Variants in PTPRN2 observed in about 807,000 individuals in gnomAD.
The protein encoded by PTPRN2 is protein tyrosine phosphatase receptor type N2.
In PTPRN2, 74 loss-of-function variants were observed where a neutral mutation model predicts 118.8. The ratio of observed to expected loss-of-function variants is 0.62; its 90% CI spans 0.52 to 0.76. The LOEUF is 0.76. Among genes scored for constraint, PTPRN2 ranks in the 30% least tolerant of loss-of-function variants. PTPRN2 has a pLI of 0.00. For synonymous variants in PTPRN2, 641 were observed against 608.0 expected (o/e 1.05, Z -0.80); for missense variants, 1,481 against 1,394.4 (o/e 1.06, Z -0.99).
intron 2 of PTPRN2, among the ~76,000 whole-genome samples, chr7:158,434,677 A>C (rs11976768): frequency 2.0e-5 from 3 of 152,136 alleles, no homozygotes; most frequent in Non-Finnish European, 4.4e-5. Flanking sequence ...TATATCGACT[A>C]TCTTACCTTG....
At chr7:158,394,088 T>C (rs2151383504) in intron 2 of PTPRN2, among the ~76,000 whole-genome samples, 1 of 134,408 alleles carries the variant, frequency 7.4e-6, no homozygotes, top group South Asian at 2.5e-4. Flanking sequence ...CACAGATGCC[T>C]GGACCCTTCT....
At chr7:157,830,274 C>T (rs1303604000) in intron 12 of PTPRN2, among the ~76,000 whole-genome samples, 1 of 152,242 alleles carries the variant, frequency 6.6e-6, no homozygotes, top group African/African-American at 2.4e-5. Flanking sequence ...CTTCCCTACT[C>T]AGCCCTTAAA....
rs555072462 is a variant in PTPRN2, at chr7:157,998,776, T to G, written c.1723+82522A>C. Among the ~76,000 whole-genome samples the G allele has an allele frequency of 6.4e-4, 93 of 145,764 alleles. 4 individuals carry two copies. The South Asian group carries it at 0.019, about 30-fold the overall frequency. ...GGTGGAGCTTGCAGTGAGCAGAGAT[T>G]GCACCACTGCACTCTAGCCTGGGTG... On this transcript the variant is annotated intron_variant, in intron 11 of 22. Coordinates refer to ENST00000389418, the MANE Select transcript of PTPRN2 (RefSeq NM_002847.5).
At chr7:157,786,646 G>A (rs1316112733) in intron 12 of PTPRN2, among the ~76,000 whole-genome samples, 1 of 152,240 alleles carries the variant, frequency 6.6e-6, no homozygotes, top group Admixed American at 6.5e-5. Flanking sequence ...ACGGTGAGGC[G>A]CTGCCGGTGA....
intron 2 of PTPRN2, among the ~76,000 whole-genome samples, chr7:158,459,885 C>T (rs1392779855): frequency 9.9e-6 from 1 of 101,420 alleles, no homozygotes; most frequent in Non-Finnish European, 2.2e-5. Flanking sequence ...GTCTGTGTGC[C>T]GAGAGCACAG....
chr7:158,566,464 T>C (rs1015295640), intron 1 of PTPRN2, among the ~76,000 whole-genome samples: 5 of 152,060 alleles, frequency 3.3e-5, no homozygotes, highest in Non-Finnish European at 1.5e-5. Flanking sequence ...ACAGGCCCCA[T>C]AGCGGGCACT....
At chr7:157,547,437 C>A (rs138756712) in intron 22 of PTPRN2, among the ~76,000 whole-genome samples, 1 of 152,278 alleles carries the variant, frequency 6.6e-6, no homozygotes, top group African/African-American at 2.4e-5. Flanking sequence ...ACCTGGAACT[C>A]CTTGGTACAG....
intron 11 of PTPRN2, among the ~76,000 whole-genome samples, chr7:158,009,216 G>A (rs1237962205): frequency 2.0e-5 from 3 of 152,054 alleles, no homozygotes; most frequent in Non-Finnish European, 2.9e-5. Context: ...TCTCCAGGTC[G>A]GACTTGAAAA....
chr7:158,319,687 T>C (rs370556865), intron 2 of PTPRN2, among the ~76,000 whole-genome samples: 66 of 2,690 alleles, frequency 0.025, 23 homozygotes, highest in African/African-American at 0.22. Flanking sequence ...ACACAGCCTC[T>C]CTCACACAGC....
At chr7:158,030,439 C>T (rs1022085602) in intron 11 of PTPRN2, 7 of 151,418 alleles carry the variant, frequency 4.6e-5, no homozygotes, top group Non-Finnish European at 7.4e-5. Flanking sequence ...CAGGAAAGCA[C>T]GTCTGAGTCT....
At chr7:157,616,384 G>C (rs891543657) in intron 15 of PTPRN2, 1 of 152,194 alleles carries the variant, frequency 6.6e-6, no homozygotes, top group African/African-American at 2.4e-5. Flanking sequence ...GATGCTTTTA[G>C]ACAATCTTTC....
At chr7:158,131,391 C>A (rs1298493466) in intron 9 of PTPRN2, among the ~76,000 whole-genome samples, 1 of 146,374 alleles carries the variant, frequency 6.8e-6, no homozygotes. Flanking sequence ...CTCATACACA[C>A]ACGTATATAC....
intron 21 of PTPRN2, among the ~76,000 whole-genome samples, chr7:157,562,419 C>T (rs1799237457): frequency 6.6e-6 from 1 of 152,226 alleles, no homozygotes; most frequent in South Asian, 2.1e-4. Context: ...GAAGGAGTGA[C>T]TTCCAGCTTC....
At chr7:158,044,734 G>T (rs951923550) in intron 11 of PTPRN2, among the ~76,000 whole-genome samples, 5 of 152,158 alleles carry the variant, frequency 3.3e-5, no homozygotes, top group Admixed American at 2.6e-4. Context: ...AGTGTCCAGG[G>T]CTCAAGTGGC....
rs140319926 is a variant in PTPRN2 at position 158,457,455 on chromosome 7, C to T, written c.163+32280G>A. On this transcript the variant is annotated intron_variant, in intron 2 of 22. Transcript: ENST00000389418. ...GCTACCTCGGCCTGCGGGACCACAG[C>T]GGATGCGCGGCCCCAGTCAGCACAC... 1.7e-3 allele frequency among the ~76,000 whole-genome samples: 252 copies of T among 151,596 alleles called. 2 individuals are homozygous for T. The South Asian group carries it at 0.022, about 13-fold the overall frequency.
rs1392751326 is a variant in PTPRN2, at chr7:158,166,864, C to G, written c.910+67G>C. 7 of 1,396,726 alleles carry G rather than the reference C, an allele frequency of 5.0e-6. No homozygotes were observed. The East Asian group carries it at 1.6e-4, about 31-fold the overall frequency. 86.5% of individuals were successfully genotyped at this position (1,396,726 alleles called of 1,614,324 possible). ...CACGTGTGGGAAGAGCATGGTGCGTCTGTCACTGGGAGGGGCTGGACAGAG... is the reference window on the plus strand; with the variant it reads ...CACGTGTGGGAAGAGCATGGTGCGTGTGTCACTGGGAGGGGCTGGACAGAG... On this transcript the variant is annotated intron_variant, in intron 6 of 22. Coordinates refer to ENST00000389418, the MANE Select transcript of PTPRN2 (RefSeq NM_002847.5).
At chr7:157,565,435 G>T (rs948077868) in intron 21 of PTPRN2, among the ~76,000 whole-genome samples, 13 of 152,254 alleles carry the variant, frequency 8.5e-5, no homozygotes, top group Non-Finnish European at 1.8e-4. Context: ...AGCCACAGCT[G>T]CTGGGGGATC....
At chr7:157,804,705 C>T (rs1010944119) in intron 12 of PTPRN2, among the ~76,000 whole-genome samples, 2 of 152,204 alleles carry the variant, frequency 1.3e-5, no homozygotes, top group Non-Finnish European at 2.9e-5. Flanking sequence ...TACTGGGTGA[C>T]CAGTAGGTGA....
intron 11 of PTPRN2, among the ~76,000 whole-genome samples, chr7:157,988,219 G>A (rs554208430): frequency 2.6e-4 from 39 of 152,330 alleles, no homozygotes; most frequent in Admixed American, 1.0e-3. Flanking sequence ...CCCCACTGGC[G>A]TCCTGGCCAT....
Sources: allele counts gnomAD v4.1 joint callset (sites outside exome capture counted in the v4.1 genomes callset), GRCh38; gene constraint gnomAD v4.1.1; transcripts MANE v1.5; gene names NCBI Gene and HGNC (gene_info 2026-07-23, HGNC 2026-07-21).